Variants in IGFBP3 observed in about 807,000 individuals in gnomAD.
The protein encoded by IGFBP3 is insulin like growth factor binding protein 3.
A neutral mutation model predicts 28.6 loss-of-function variants in IGFBP3; 9 were observed. The ratio of observed to expected loss-of-function variants is 0.31; its 90% CI spans 0.19 to 0.55. The LOEUF is 0.55. Ranked by LOEUF, IGFBP3 falls within the 20% of genes least tolerant of loss-of-function variation. The pLI, the probability that IGFBP3 is intolerant of heterozygous loss-of-function variation, is 0.93. For missense variants in IGFBP3, 382 were observed against 428.9 expected, an observed-to-expected ratio of 0.89 and a Z score of 0.97; for synonymous variants, 185 against 188.2, an observed-to-expected ratio of 0.98 and a Z score of 0.14.
chr7:45,921,169 G>C lies in IGFBP3; in HGVS notation c.-29C>G, dbSNP rs1784685735. On this transcript the variant is annotated 5_prime_UTR_variant, in exon 1 of 5. Transcript: ENST00000613132. ...GCCTGCAACCGGGGCACGCTGCTTG[G>C]CAGGCTGGGCGCGCAGGGATGGGGC... 1 of 1,503,368 alleles carries C rather than the reference G, an allele frequency of 6.7e-7. No homozygotes were observed. Among genetic ancestry groups the C allele is most frequent in the Admixed American group, 2.0e-5 (1 of 48,952 alleles). 93.1% of individuals were successfully genotyped at this position (1,503,368 alleles called of 1,614,324 possible). A position where few individuals can be genotyped will look rare whatever the true frequency, so the allele number is the denominator to read the frequency against.
chr7:45,914,763 G>A, intron 4 of IGFBP3, 42 bp downstream of exon 4: 1 of 1,598,910 alleles, frequency 6.3e-7, no homozygotes, highest in Non-Finnish European at 8.5e-7. Context: ...TCCAAGGACA[G>A]TGAGGCCCTG....
At chr7:45,914,592 C>CT (rs1470356701) in intron 4 of IGFBP3, 2 of 468,666 alleles carry the variant, frequency 4.3e-6, no homozygotes, top group Non-Finnish European at 7.7e-6. Flanking sequence ...GGCCGGCCTC[C>CT]TTCCCCACAC....
chr7:45,915,002 C>T lies in IGFBP3; in HGVS notation c.751-57G>A, dbSNP rs556709733. ...AATGCTCCTGGGTCTGGTGTCAGGT[C>T]GGTGGCCAGGGCGCATGATGGTTTG... On this transcript the variant is annotated intron_variant, in intron 3 of 4. Coordinates refer to ENST00000613132, the MANE Select transcript of IGFBP3 (RefSeq NM_000598.5). The T allele has an allele frequency of 3.7e-5, 59 of 1,601,254 alleles. No homozygotes were observed. In the East Asian group the frequency reaches 7.2e-4, roughly 19 times the overall value.
intron 3 of IGFBP3, 43 bp from the exon 4 acceptor site, chr7:45,914,988 G>A (rs1439022774): frequency 5.0e-6 from 8 of 1,610,370 alleles, no homozygotes; most frequent in Admixed American, 1.7e-5. Context: ...ATGCTCCTGG[G>A]TCTGGTGTCA....
At chr7:45,916,778 C>T in intron 2 of IGFBP3, 111 bp from the exon 3 acceptor site, 3 of 1,180,476 alleles carry the variant, frequency 2.5e-6, no homozygotes, top group Non-Finnish European at 3.7e-6. Flanking sequence ...CTGTAATTTG[C>T]TCCTCAGATA....
chr7:45,921,076 G>A lies in IGFBP3; in HGVS notation c.65C>T (p.Pro22Leu). ...ALTLLVLLRGPPVARAGASSA... is the reference protein window; with the variant it reads ...ALTLLVLLRGLPVARAGASSA... The stretch of plus-strand genomic sequence containing the variant: ...GCTCGCGCCAGCCCGCGCCACCGGC[G>A]GCCCGCGGAGCAGCACCAGCAGAGT... Residue 22 changes from proline (P) to leucine (L), a missense_variant, in exon 1 of 5, where the codon CCG becomes CTG. Pro to Leu is a moderately conservative substitution (Grantham distance 98, BLOSUM62 -3). Transcript: ENST00000613132. The A allele has an allele frequency of 1.4e-6, 2 of 1,455,754 alleles. No individual in the cohort carries two copies. The highest frequency in any genetic ancestry group is 1.8e-6 in the Non-Finnish European group (2 of 1,112,184). The allele number at this position is 1,455,754 out of a possible 1,614,324, so 90.2% of individuals were successfully genotyped here.
chr7:45,917,026 A>G (rs1784617052), intron 2 of IGFBP3, 187 bp downstream of exon 2: 2 of 602,226 alleles, frequency 3.3e-6, no homozygotes, highest in African/African-American at 3.7e-5. Flanking sequence ...TCCTCATAAG[A>G]TTCTCCAAAA....
rs548749305 is a variant in IGFBP3, at chr7:45,914,686, G to C, written c.*15+119C>G. ...TATTTGCTTTGCTCTTTCTGGCCCT[G>C]AGCTGCAGCTCCTGGGTCTGTAAGC... On this transcript the variant is annotated intron_variant, in intron 4 of 4. Coordinates refer to ENST00000613132, the MANE Select transcript of IGFBP3 (RefSeq NM_000598.5). The C allele has an allele frequency of 3.0e-5, 29 of 954,302 alleles. No individual in the cohort carries two copies. The South Asian group carries it at 4.5e-4, about 15-fold the overall frequency. The allele number at this position is 954,302 out of a possible 1,614,324, so 59.1% of individuals were successfully genotyped here. A position where few individuals can be genotyped will look rare whatever the true frequency, so the allele number is the denominator to read the frequency against.
At chr7:45,915,000 G>T (rs1195764963) in intron 3 of IGFBP3, 55 bp from the exon 4 acceptor site, 5 of 1,603,794 alleles carry the variant, frequency 3.1e-6, no homozygotes, top group Non-Finnish European at 3.4e-6. Flanking sequence ...CTGGTGTCAG[G>T]TCGGTGGCCA....
intron 1 of IGFBP3, among the ~76,000 whole-genome samples, chr7:45,919,276 T>C (rs1020308032): frequency 1.3e-5 from 2 of 152,248 alleles, no homozygotes; most frequent in African/African-American, 4.8e-5. Context: ...ACTAAGGTGG[T>C]AATCATGATG....
intron 2 of IGFBP3, 67 bp from the exon 3 acceptor site, chr7:45,916,734 T>A: frequency 6.5e-7 from 1 of 1,548,194 alleles, no homozygotes; most frequent in South Asian, 1.1e-5. Flanking sequence ...GCTTTAAAAA[T>A]CTTACGATGC....
At position 45,913,577 on chromosome 7, in the gene IGFBP3, T is replaced by C. The variant is rs1784571730; in HGVS notation, c.*273A>G. The C allele has an allele frequency of 1.3e-5, 2 of 152,192 alleles. No individual in the cohort carries two copies. The highest frequency in any genetic ancestry group is 4.1e-4 in the South Asian group (2 of 4,836). The allele number at this position is 152,192 out of a possible 1,614,324, so 9.4% of individuals were successfully genotyped here. Reference sequence around the variant, plus strand: ...ACGGGCGCATGAAGTCTGGGTGCTGTGCTCGAGTCTCTGAATATTTTGATA... The same window carrying C: ...ACGGGCGCATGAAGTCTGGGTGCTGCGCTCGAGTCTCTGAATATTTTGATA... On this transcript the variant is annotated 3_prime_UTR_variant, in exon 5 of 5. Transcript: ENST00000613132.
chr7:45,916,809 GA>G (rs567806721), intron 2 of IGFBP3, 142 bp from the exon 3 acceptor site: 129 of 854,968 alleles, frequency 1.5e-4, no homozygotes, highest in Admixed American at 2.2e-4. Flanking sequence ...GATGTAGCAC[GA>G]AAGTCCCCCG....
At chr7:45,917,710 C>G (rs534614065) in intron 1 of IGFBP3, among the ~76,000 whole-genome samples, 2 of 152,328 alleles carry the variant, frequency 1.3e-5, no homozygotes, top group South Asian at 4.1e-4. Context: ...GGCAGACAAA[C>G]GCTTCAGTGC....
intron 3 of IGFBP3, among the ~76,000 whole-genome samples, chr7:45,916,105 G>A (rs1391993105): frequency 3.3e-5 from 5 of 152,232 alleles, no homozygotes; most frequent in Admixed American, 6.5e-5. Context: ...TAGGAAAGGG[G>A]ACGATTGTGG....
intron 3 of IGFBP3, 55 bp downstream of exon 3, chr7:45,916,493 G>C: frequency 6.4e-7 from 1 of 1,573,020 alleles, no homozygotes; most frequent in Non-Finnish European, 8.7e-7. Flanking sequence ...GGTGAGATGG[G>C]TTTCTCCTCT....
intron 2 of IGFBP3, chr7:45,916,973 T>G: frequency 3.5e-6 from 2 of 578,552 alleles, no homozygotes; most frequent in Non-Finnish European, 6.2e-6. Context: ...GCAGAGGTCT[T>G]TATGACATCC....
chr7:45,920,947 G>T lies in IGFBP3; in HGVS notation c.194C>A (p.Pro65Gln). 1 of 1,389,470 alleles carries T rather than the reference G, an allele frequency of 7.2e-7. No homozygotes were observed. Among genetic ancestry groups the T allele is most frequent in the Non-Finnish European group, 9.3e-7 (1 of 1,077,488 alleles). The allele number at this position is 1,389,470 out of a possible 1,614,324, so 86.1% of individuals were successfully genotyped here. ...PAVCAELVRE[P>Q]GCGCCLTCAL... ...GCACGTCAGGCAGCAGCCGCAGCCCGGCTCGCGCACCAGCTCCGCGCACAC... is the reference window on the plus strand; with the variant it reads ...GCACGTCAGGCAGCAGCCGCAGCCCTGCTCGCGCACCAGCTCCGCGCACAC... The change falls in exon 1 of 5, where the codon CCG (proline) becomes CAG (glutamine). Residue 65 changes from proline to glutamine, a missense_variant. Pro to Gln is a moderately conservative substitution (Grantham distance 76). Coordinates refer to ENST00000613132, the MANE Select transcript of IGFBP3 (RefSeq NM_000598.5).
At position 45,913,639 on chromosome 7, in the gene IGFBP3, C is replaced by T. The variant is rs1012962821; in HGVS notation, c.*211G>A. ...GAAAATTCAAACTGCTCTTTGCTGACTACTGGAAAGTGAAAAGATGCTCAA... is the reference window on the plus strand; with the variant it reads ...GAAAATTCAAACTGCTCTTTGCTGATTACTGGAAAGTGAAAAGATGCTCAA... On this transcript the variant is annotated 3_prime_UTR_variant, in exon 5 of 5. Coordinates refer to ENST00000613132, the MANE Select transcript of IGFBP3 (RefSeq NM_000598.5). The T allele has an allele frequency of 1.3e-5, 2 of 152,138 alleles. No homozygotes were observed. The highest frequency in any genetic ancestry group is 2.9e-5 in the Non-Finnish European group (2 of 68,026). The allele number at this position is 152,138 out of a possible 1,614,324, so 9.4% of individuals were successfully genotyped here.
Sources: gnomAD v4.1 joint callset for allele counts (sites outside exome capture counted in the v4.1 genomes callset) on GRCh38, gnomAD v4.1.1 for gene constraint, MANE v1.5 for transcripts, NCBI Gene and HGNC (gene_info 2026-07-23, HGNC 2026-07-21) for gene names.